ALOX12B: variants seen among roughly 807,000 people sequenced by gnomAD.
ALOX12B encodes the protein arachidonate 12-lipoxygenase, 12R type.
A neutral mutation model predicts 78.9 loss-of-function variants in ALOX12B; 47 were observed. The ratio of observed to expected loss-of-function variants is 0.60; its 90% CI spans 0.47 to 0.76. The LOEUF (loss-of-function observed/expected upper bound fraction) is 0.76. ALOX12B is among the 30% of genes least tolerant of loss of function. The pLI is 0.00. For synonymous variants in ALOX12B, 370 were observed against 374.5 expected (o/e 0.99, Z 0.14); for missense variants, 805 against 922.6 (o/e 0.87, Z 1.65).
rs3217514 is a variant in ALOX12B at position 8,087,259 on chromosome 17, GACACACACAC to G, written c.147+27_147+36del. Reference sequence around the variant, plus strand: ...ACAGACACACACACACACACACACAGACACACACACACACACACACACACACACACTCTTA... The same window carrying G: ...ACAGACACACACACACACACACACAGACACACACACACACACACACTCTTA... On this transcript the variant is annotated intron_variant, in intron 1 of 14. Coordinates refer to ENST00000647874, the MANE Select transcript of ALOX12B (RefSeq NM_001139.3). 3.7e-4 allele frequency: 396 copies of G among 1,071,384 alleles called. 2 individuals are homozygous for G. In the African/African-American group the frequency reaches 4.8e-3, roughly 13 times the overall value. 66.4% of individuals were successfully genotyped at this position (1,071,384 alleles called of 1,614,324 possible).
intron 10 of ALOX12B, 122 bp downstream of exon 10, chr17:8,076,535 G>T (rs1239138052): frequency 4.0e-5 from 53 of 1,310,954 alleles, no homozygotes; most frequent in Non-Finnish European, 5.6e-5. Flanking sequence ...ACTTCATCCA[G>T]CTCCCTCCCT....
intron 13 of ALOX12B, 57 bp from the exon 14 acceptor site, chr17:8,073,375 C>T: frequency 1.2e-5 from 19 of 1,608,372 alleles, no homozygotes; most frequent in Non-Finnish European, 1.5e-5. Context: ...GAGTTTCCTT[C>T]CACCAGGTGC....
chr17:8,075,445 GC>G, intron 12 of ALOX12B, 149 bp downstream of exon 12: 1 of 1,279,708 alleles, frequency 7.8e-7, no homozygotes, highest in Non-Finnish European at 1.1e-6. Flanking sequence ...CCAGAGAAGA[GC>G]CTGTCAAAAT....
At position 8,073,390 on chromosome 17, in the gene ALOX12B, C is replaced by T. The variant is rs1977022060; in HGVS notation, c.1756-72G>A. On this transcript the variant is annotated intron_variant, in intron 13 of 14. Coordinates refer to ENST00000647874, the MANE Select transcript of ALOX12B (RefSeq NM_001139.3). ...GAGTTTCCTTCCACCAGGTGCTGAC[C>T]ACCCGCCCTCCAGTCGCTGAGATGG... 4 of 1,593,698 alleles carry T rather than the reference C, an allele frequency of 2.5e-6. No homozygotes were observed. The East Asian group carries it at 6.7e-5, about 27-fold the overall frequency.
At position 8,080,892 on chromosome 17, in the gene ALOX12B, G is replaced by A. The variant is rs367768676; in HGVS notation, c.519C>T (p.Asn173=). The A allele has an allele frequency of 6.2e-7, 1 of 1,613,888 alleles. No individual in the cohort carries two copies. The highest frequency in any genetic ancestry group is 1.3e-5 in the African/African-American group (1 of 74,908). Residue 173 remains asparagine (N), a synonymous_variant, in exon 4 of 15, where the codon AAC becomes AAT. Transcript: ENST00000647874. The surrounding 1 kb of genome is among the most constrained non-coding windows in gnomAD (Gnocchi z 4.8). ...RPPVRRHRNP[N]RPEWNGYIPG... is the part of the protein sequence containing the mutation. ...CAGCTTCGGGTCCTTACTCAGGCCG[G>A]TTGGGGTTGCGATGCCTCCGCACCG...
chr17:8,083,265 A>G (rs1029701464), intron 2 of ALOX12B, among the ~76,000 whole-genome samples: 47 of 152,094 alleles, frequency 3.1e-4, no homozygotes, highest in African/African-American at 1.1e-3. Flanking sequence ...TAGCTTCTCA[A>G]TAAAATCCGA....
intron 2 of ALOX12B, chr17:8,081,500 T>C: frequency 2.2e-6 from 1 of 445,342 alleles, no homozygotes; most frequent in South Asian, 2.2e-5. Context: ...TGTTGTTACA[T>C]GCATAGTGGC....
At chr17:8,085,439 C>T (rs1351195591) in intron 2 of ALOX12B, among the ~76,000 whole-genome samples, 1 of 152,156 alleles carries the variant, frequency 6.6e-6, no homozygotes, top group Non-Finnish European at 1.5e-5. Context: ...AAGAGTGAAA[C>T]TCCGTCTCAA....
Position 8,076,289 on chromosome 17 carries a change from T to C in ALOX12B, c.1418A>G (p.Glu473Gly). 1 of 1,613,584 alleles carries C rather than the reference T, an allele frequency of 6.2e-7. No individual in the cohort carries two copies. Among genetic ancestry groups the C allele is most frequent in the Non-Finnish European group, 8.5e-7 (1 of 1,179,866 alleles). Residue 473 changes from glutamate (E) to glycine (G), a missense_variant, in exon 11 of 15, where the codon GAG becomes GGG. By Grantham distance (98) the Glu-to-Gly change is moderately conservative. Transcript: ENST00000647874. ...GAGGTAGAGGCTGTCATAGGTGAGC[T>C]CCGACAGAGCCCGTACCATCACCCC... ...FAGVMVRALSELTYDSLYLPN... is the reference protein window; with the variant it reads ...FAGVMVRALSGLTYDSLYLPN...
At position 8,073,144 on chromosome 17, in the gene ALOX12B, G is replaced by A. The variant is rs886053561; in HGVS notation, c.1926+4C>T. ...TGCTCAGAGTCCCCCATCCCGTCTC[G>A]CACCCTGTCGTCAGGCTCTCGGCTG... is the stretch of plus-strand genomic sequence containing the variant. On this transcript the variant is annotated splice_donor_region_variant and intron_variant, in intron 14 of 14. Transcript: ENST00000647874. 2.5e-6 allele frequency: 4 copies of A among 1,613,858 alleles called. No homozygotes were observed. The highest frequency in any genetic ancestry group is 3.3e-5 in the Admixed American group (2 of 59,990).
In ALOX12B at chr17:8,080,157, C is replaced by T. The variant is rs775342439; in HGVS notation, c.754+78G>A. 5 of 1,545,848 alleles carry T rather than the reference C, an allele frequency of 3.2e-6. No homozygotes were observed. The highest frequency in any genetic ancestry group is 2.2e-5 in the East Asian group (1 of 44,514). On this transcript the variant is annotated intron_variant, in intron 6 of 14. Transcript: ENST00000647874. This position sits in a 1 kb window ranked among gnomAD's most constrained non-coding sequence, Gnocchi z 4.8. The stretch of plus-strand genomic sequence containing the variant: ...CTCGCTGCCTCTCCCGTCCCACTGC[C>T]CCGAAGTCGGGGGCCTGCCTAGCAC...
chr17:8,086,160 G>T lies in ALOX12B; in HGVS notation c.208C>A (p.His70Asn), dbSNP rs761674738. The change falls in exon 2 of 15, where the codon CAC (histidine) becomes AAC (asparagine). Residue 70 changes from histidine to asparagine, a missense_variant. His to Asn is a moderately conservative substitution (Grantham distance 68). Coordinates refer to ENST00000647874, the MANE Select transcript of ALOX12B (RefSeq NM_001139.3). ...DLGELIIIRLHKERYAFFPKD... is the reference protein window; with the variant it reads ...DLGELIIIRLNKERYAFFPKD... ...GGGAAGAAGGCGTACCGCTCTTTGTGCAGGCGGATGATGATGAGCTCACCC... is the reference window on the plus strand; with the variant it reads ...GGGAAGAAGGCGTACCGCTCTTTGTTCAGGCGGATGATGATGAGCTCACCC... 2 of 1,614,176 alleles carry T rather than the reference G, an allele frequency of 1.2e-6. No homozygotes were observed. The highest frequency in any genetic ancestry group is 2.2e-5 in the South Asian group (2 of 91,084).
intron 2 of ALOX12B, 95 bp from the exon 3 acceptor site, chr17:8,081,282 T>TG (rs1424326786): frequency 3.6e-5 from 47 of 1,311,744 alleles, no homozygotes; most frequent in South Asian, 2.6e-4. Context: ...AGGTCGTCTC[T>TG]GGGGGGGCCC....
At chr17:8,082,187 A>C (rs954203533) in intron 2 of ALOX12B, among the ~76,000 whole-genome samples, 1 of 152,202 alleles carries the variant, frequency 6.6e-6, no homozygotes, top group Non-Finnish European at 1.5e-5. Flanking sequence ...GAATAGCGCC[A>C]CAATAAATAA....
At position 8,086,135 on chromosome 17, in the gene ALOX12B, G is replaced by A. The variant is rs1373757925; in HGVS notation, c.233C>T (p.Pro78Leu). ...ATAGTTGCAGTACCAAGGGTCCTTGGGGAAGAAGGCGTACCGCTCTTTGTG... is the reference window on the plus strand; with the variant it reads ...ATAGTTGCAGTACCAAGGGTCCTTGAGGAAGAAGGCGTACCGCTCTTTGTG... ...RLHKERYAFFPKDPWYCNYVQ... is the reference protein window; with the variant it reads ...RLHKERYAFFLKDPWYCNYVQ... The change falls in exon 2 of 15, where the codon CCC becomes CTC. Residue 78 changes from proline (P) to leucine (L), a missense_variant. By Grantham distance (98) the Pro-to-Leu change is moderately conservative. Transcript: ENST00000647874. 8 of 1,614,070 alleles carry A rather than the reference G, an allele frequency of 5.0e-6. No homozygotes were observed.
Position 8,080,174 on chromosome 17 carries a change from G to C in ALOX12B, c.754+61C>G, listed in dbSNP as rs758173803. ...CCCACTGCCCCGAAGTCGGGGGCCT[G>C]CCTAGCACGCCGGAGACCGCCTGGC... On this transcript the variant is annotated intron_variant, in intron 6 of 14. Coordinates refer to ENST00000647874, the MANE Select transcript of ALOX12B (RefSeq NM_001139.3). This position sits in a 1 kb window ranked among gnomAD's most constrained non-coding sequence, Gnocchi z 4.8. 16 of 1,576,180 alleles carry C rather than the reference G, an allele frequency of 1.0e-5. No homozygotes were observed. Among genetic ancestry groups the C allele is most frequent in the East Asian group, 6.7e-5 (3 of 44,680 alleles).
chr17:8,086,314 G>C, intron 1 of ALOX12B, 94 bp from the exon 2 acceptor site: 1 of 1,230,118 alleles, frequency 8.1e-7, no homozygotes, highest in Non-Finnish European at 1.2e-6. Flanking sequence ...CCCTGCTCAT[G>C]CTGCGCAATG....
chr17:8,076,469 C>A, intron 10 of ALOX12B, 125 bp from the exon 11 acceptor site: 1 of 1,331,052 alleles, frequency 7.5e-7, no homozygotes, highest in Non-Finnish European at 1.0e-6. Flanking sequence ...AGGAACAATC[C>A]TGCTCTGGGC....
intron 2 of ALOX12B, among the ~76,000 whole-genome samples, chr17:8,084,767 C>T: frequency 6.6e-6 from 1 of 152,216 alleles, no homozygotes. Flanking sequence ...TGGGTGTCCT[C>T]AGCTCAGCCT....
Sources: gnomAD v4.1 joint callset for allele counts (sites outside exome capture counted in the v4.1 genomes callset) on GRCh38, gnomAD v4.1.1 for gene constraint, Gnocchi (gnomAD v3.1) non-coding constraint, MANE v1.5 for transcripts, NCBI Gene and HGNC (gene_info 2026-07-23, HGNC 2026-07-21) for gene names.